Variants in VMP1 observed in about 807,000 individuals in gnomAD.
VMP1 encodes ectopic P-granules autophagy protein 3 homolog.
VMP1 carries 11 observed loss-of-function variants against 56.0 expected under a neutral mutation model. The ratio of observed to expected loss-of-function variants is 0.20; its 90% CI spans 0.12 to 0.32. VMP1 has a LOEUF of 0.32. VMP1 is among the 10% of genes least tolerant of loss of function. The probability of loss-of-function intolerance (pLI) is 1.00; values close to 1 mark genes in which losing one functional copy is unlikely to be tolerated. For synonymous variants in VMP1, 149 were observed against 165.0 expected (o/e 0.90, Z 0.74); for missense variants, 296 against 490.3 (o/e 0.60, Z 3.74).
At chr17:59,738,981 A>G (rs2143836508) in intron 5 of VMP1, 34 bp downstream of exon 5, 2 of 1,483,502 alleles carry the variant, frequency 1.3e-6, no homozygotes, top group East Asian at 2.3e-5. Context: ...AGCAAAAATG[A>G]TATTTCCTAT....
At chr17:59,819,695 G>A (rs895269187) in intron 10 of VMP1, among the ~76,000 whole-genome samples, 19 of 152,120 alleles carry the variant, frequency 1.2e-4, no homozygotes, top group Admixed American at 9.2e-4. Context: ...CTGGTGATCC[G>A]CCCATCTCGG....
intron 1 of VMP1, among the ~76,000 whole-genome samples, chr17:59,720,216 T>C (rs1389267476): frequency 6.6e-6 from 1 of 152,216 alleles, no homozygotes; most frequent in Non-Finnish European, 1.5e-5. Context: ...TCATCACAGA[T>C]TTCAAAAATT....
intron 7 of VMP1, among the ~76,000 whole-genome samples, chr17:59,787,541 G>T (rs773046476): frequency 2.6e-5 from 4 of 152,112 alleles, no homozygotes; most frequent in Admixed American, 2.0e-4. Flanking sequence ...ATAAATTTAG[G>T]CTGGGCACAA....
chr17:59,822,296 T>G (rs1317270613), intron 10 of VMP1, among the ~76,000 whole-genome samples: 2 of 151,548 alleles, frequency 1.3e-5, no homozygotes, highest in African/African-American at 4.8e-5. Flanking sequence ...ATGACATGAT[T>G]GGTTTTTTTA....
chr17:59,759,687 T>C (rs2035970991), intron 5 of VMP1, among the ~76,000 whole-genome samples: 1 of 152,174 alleles, frequency 6.6e-6, no homozygotes, highest in South Asian at 2.1e-4. Flanking sequence ...AAAGTGGGTT[T>C]CTTATAGACA....
At chr17:59,838,196 C>A in intron 10 of VMP1, 99 bp from the exon 11 acceptor site, 1 of 811,648 alleles carries the variant, frequency 1.2e-6, no homozygotes, top group Non-Finnish European at 1.9e-6. Flanking sequence ...CCAATCCCTG[C>A]CTTTTGAGTC....
intron 7 of VMP1, among the ~76,000 whole-genome samples, chr17:59,780,575 GTTTTTGTTTTTTGT>G (rs1225170715): frequency 6.6e-6 from 1 of 151,084 alleles, no homozygotes; most frequent in East Asian, 1.9e-4. Flanking sequence ...GTTTGTTTTT[GTTTTTGTTTTTTGT>G]TTTTTGTTTT....
intron 4 of VMP1, 95 bp from the exon 5 acceptor site, chr17:59,738,742 A>T: frequency 1.1e-6 from 1 of 925,168 alleles, no homozygotes; most frequent in South Asian, 1.5e-5. Flanking sequence ...TCCTATTTGA[A>T]ACTTACTTTA....
chr17:59,787,838 A>C (rs1373387305), intron 7 of VMP1, among the ~76,000 whole-genome samples: 2 of 152,002 alleles, frequency 1.3e-5, no homozygotes, highest in Non-Finnish European at 2.9e-5. Context: ...TTAATTAATT[A>C]GTTAATTAAT....
chr17:59,809,298 A>G (rs1156830820), intron 8 of VMP1, among the ~76,000 whole-genome samples: 2 of 123,538 alleles, frequency 1.6e-5, no homozygotes, highest in Non-Finnish European at 3.3e-5. Flanking sequence ...CACCTGGCCC[A>G]TTCAACTTTT....
intron 10 of VMP1, among the ~76,000 whole-genome samples, chr17:59,821,543 T>C: frequency 6.9e-5 from 1 of 14,410 alleles, no homozygotes; most frequent in East Asian, 1.0e-3. Flanking sequence ...ACTTTTCTTT[T>C]TTTTTTTTTT....
At chr17:59,720,098 A>G (rs2034336621) in intron 1 of VMP1, among the ~76,000 whole-genome samples, 1 of 152,212 alleles carries the variant, frequency 6.6e-6, no homozygotes, top group African/African-American at 2.4e-5. Context: ...GATGCCATTG[A>G]AGGTCAAGAA....
chr17:59,759,416 T>C (rs1245735157), intron 5 of VMP1, among the ~76,000 whole-genome samples: 3 of 152,104 alleles, frequency 2.0e-5, no homozygotes, highest in Non-Finnish European at 4.4e-5. Flanking sequence ...AATTGGGGAT[T>C]TGTTCATTTC....
intron 5 of VMP1, among the ~76,000 whole-genome samples, chr17:59,756,711 T>G (rs1423987780): frequency 6.6e-6 from 1 of 152,224 alleles, no homozygotes; most frequent in East Asian, 1.9e-4. Flanking sequence ...TCTGCACTCT[T>G]AATGTGATGT....
chr17:59,809,749 G>A (rs979290762), intron 8 of VMP1, among the ~76,000 whole-genome samples: 82 of 150,504 alleles, frequency 5.4e-4, no homozygotes, highest in African/African-American at 2.0e-3. Flanking sequence ...CTCGTGATCC[G>A]CCCGCCTCGG....
chr17:59,781,415 A>G (rs1026348172), intron 7 of VMP1, among the ~76,000 whole-genome samples: 42 of 152,216 alleles, frequency 2.8e-4, no homozygotes, highest in African/African-American at 1.0e-3. Context: ...ACTTTTTATA[A>G]AAATTAGAAT....
chr17:59,716,285 A>G (rs1458375385), intron 1 of VMP1, among the ~76,000 whole-genome samples: 1 of 152,194 alleles, frequency 6.6e-6, no homozygotes, highest in African/African-American at 2.4e-5. Flanking sequence ...CAAATGCCCC[A>G]GGTATTTAGG....
chr17:59,758,122 A>G (rs2035913758), intron 5 of VMP1, among the ~76,000 whole-genome samples: 1 of 152,036 alleles, frequency 6.6e-6, no homozygotes. Context: ...GAATACAGAC[A>G]TGAGCCACCC....
chr17:59,725,567 A>G (rs1313267804), intron 1 of VMP1, among the ~76,000 whole-genome samples: 1 of 150,686 alleles, frequency 6.6e-6, no homozygotes, highest in Non-Finnish European at 1.5e-5. Context: ...AAAAAAAAAA[A>G]GGGTTTTGAT....
Sources: allele counts gnomAD v4.1 joint callset (sites outside exome capture counted in the v4.1 genomes callset), GRCh38; gene constraint gnomAD v4.1.1; transcripts MANE v1.5; gene names NCBI Gene and HGNC (gene_info 2026-07-23, HGNC 2026-07-21).